The following NCEH1 variants were observed in gnomAD, a reference collection of about 807,000 sequenced individuals.
The protein encoded by NCEH1 is neutral cholesterol ester hydrolase 1.
Under a neutral mutation model 25.4 loss-of-function variants are expected in NCEH1, and 9 were observed. That is an observed-to-expected ratio of 0.35 (90% confidence interval 0.21 to 0.62). NCEH1 has a LOEUF of 0.62. Ranked by LOEUF, NCEH1 falls within the 20% of genes least tolerant of loss-of-function variation. The probability of loss-of-function intolerance (pLI) is 0.72; values close to 1 mark genes in which losing one functional copy is unlikely to be tolerated. For missense variants in NCEH1, 412 were observed against 501.1 expected (o/e 0.82, Z 1.70); for synonymous variants, 200 against 199.8 (o/e 1.00, Z -0.01).
chr3:172,697,584 T>G (rs921855580), intron 1 of NCEH1, among the ~76,000 whole-genome samples: 3 of 152,198 alleles, frequency 2.0e-5, no homozygotes, highest in African/African-American at 7.2e-5. Flanking sequence ...GACTAAAATT[T>G]GTAAATACAT....
chr3:172,675,331 A>AAATAAATAAATAAATT (rs1368844628), intron 1 of NCEH1, among the ~76,000 whole-genome samples: 10 of 150,476 alleles, frequency 6.6e-5, no homozygotes, highest in African/African-American at 2.5e-4. Context: ...ATAAATAAAT[A>AAATAAATAAATAAATT]AATAAATAAA....
chr3:172,659,280 G>A (rs772674547), intron 1 of NCEH1, among the ~76,000 whole-genome samples: 3 of 141,272 alleles, frequency 2.1e-5, no homozygotes, highest in East Asian at 2.0e-4. Flanking sequence ...TTCTTTTATC[G>A]GGAGGCTGAG....
At chr3:172,689,798 A>T (rs2108527509) in intron 1 of NCEH1, among the ~76,000 whole-genome samples, 1 of 151,850 alleles carries the variant, frequency 6.6e-6, no homozygotes, top group East Asian at 1.9e-4. Flanking sequence ...AGAGTAAAAT[A>T]GACCATTTTA....
At chr3:172,685,100 T>C (rs1045753334) in intron 1 of NCEH1, among the ~76,000 whole-genome samples, 2 of 152,058 alleles carry the variant, frequency 1.3e-5, no homozygotes, top group South Asian at 2.1e-4. Flanking sequence ...GAAACCAGCC[T>C]GGGCATCATG....
chr3:172,646,557 T>A lies in NCEH1; in HGVS notation c.368-865A>T, dbSNP rs569538108. Among the ~76,000 whole-genome samples, 18 of 152,280 alleles carry A rather than the reference T, an allele frequency of 1.2e-4. No homozygotes were observed. In the East Asian group the frequency reaches 3.5e-3, roughly 29 times the overall value. ...TAATATGTAAGAATTTAATTCTTAG[T>A]TACTCTCAGTAAATTAAGATCTATA... On this transcript the variant is annotated intron_variant, in intron 2 of 4. Coordinates refer to ENST00000475381, the MANE Select transcript of NCEH1 (RefSeq NM_020792.6).
At chr3:172,702,193 TCTC>T (rs1713736193) in intron 1 of NCEH1, among the ~76,000 whole-genome samples, 1 of 151,478 alleles carries the variant, frequency 6.6e-6, no homozygotes, top group African/African-American at 2.5e-5. Flanking sequence ...TGCATTTCGG[TCTC>T]CTCCTTTGTC....
intron 1 of NCEH1, among the ~76,000 whole-genome samples, chr3:172,652,474 C>T (rs1717446466): frequency 6.6e-6 from 1 of 152,154 alleles, no homozygotes; most frequent in African/African-American, 2.4e-5. Flanking sequence ...ATGAGTGATA[C>T]CCACATGGCT....
intron 1 of NCEH1, among the ~76,000 whole-genome samples, chr3:172,661,961 C>CGA (rs1414251962): frequency 2.0e-5 from 3 of 152,164 alleles, no homozygotes; most frequent in Non-Finnish European, 4.4e-5. Context: ...CCCTGTATTT[C>CGA]TTTCTCATGC....
chr3:172,687,692 A>G (rs929623758), intron 1 of NCEH1, among the ~76,000 whole-genome samples: 2 of 152,204 alleles, frequency 1.3e-5, no homozygotes, highest in African/African-American at 4.8e-5. Flanking sequence ...TGACACAGAG[A>G]TGCTGGCCTA....
chr3:172,644,031 G>A (rs1716990080), intron 3 of NCEH1, among the ~76,000 whole-genome samples: 1 of 152,230 alleles, frequency 6.6e-6, no homozygotes, highest in Non-Finnish European at 1.5e-5. Flanking sequence ...AGGTCCAGGT[G>A]CGGTGGCTGC....
chr3:172,700,543 T>C (rs1026194768), intron 1 of NCEH1, among the ~76,000 whole-genome samples: 1 of 152,178 alleles, frequency 6.6e-6, no homozygotes, highest in South Asian at 2.1e-4. Context: ...AGAGACAGGG[T>C]CTTGCTCTGT....
At chr3:172,657,080 C>T (rs1717732065) in intron 1 of NCEH1, among the ~76,000 whole-genome samples, 1 of 152,104 alleles carries the variant, frequency 6.6e-6, no homozygotes, top group Non-Finnish European at 1.5e-5. Context: ...TGACCACTGG[C>T]CCTTTAAATG....
At chr3:172,648,637 A>C (rs1717247586) in intron 1 of NCEH1, among the ~76,000 whole-genome samples, 1 of 152,106 alleles carries the variant, frequency 6.6e-6, no homozygotes, top group Non-Finnish European at 1.5e-5. Flanking sequence ...ATTTAATTGT[A>C]TCTTTAAATG....
chr3:172,651,071 A>G (rs1243439085), intron 1 of NCEH1, among the ~76,000 whole-genome samples: 1 of 152,228 alleles, frequency 6.6e-6, no homozygotes, highest in Non-Finnish European at 1.5e-5. Flanking sequence ...AATAGCTATC[A>G]CTGCCTGAGT....
At chr3:172,668,174 A>G (rs1370723064) in intron 1 of NCEH1, among the ~76,000 whole-genome samples, 4 of 152,178 alleles carry the variant, frequency 2.6e-5, no homozygotes. Flanking sequence ...TGTAAGCAGC[A>G]GATAATTTCA....
intron 1 of NCEH1, 39 bp from the exon 2 acceptor site, chr3:172,648,153 G>T: frequency 6.2e-7 from 1 of 1,610,820 alleles, no homozygotes; most frequent in Non-Finnish European, 8.5e-7. Context: ...GAGGGCGCAC[G>T]TCAACTTGGC....
intron 1 of NCEH1, among the ~76,000 whole-genome samples, chr3:172,679,489 C>T (rs1424481023): frequency 6.6e-6 from 1 of 152,116 alleles, no homozygotes; most frequent in East Asian, 1.9e-4. Flanking sequence ...ATATTCCATT[C>T]TGTATGTACC....
chr3:172,660,976 A>G lies in NCEH1; in HGVS notation c.139-12862T>C, dbSNP rs141936129. ...TGCTGTGCAGAAGCTCTTTAGTTTA[A>G]TTAGATCCCATTTGTCTATTTTGGC... On this transcript the variant is annotated intron_variant, in intron 1 of 4. Transcript: ENST00000475381. Among the ~76,000 whole-genome samples, 548 of 152,218 alleles carry G rather than the reference A, an allele frequency of 3.6e-3. 3 individuals carry two copies. Among genetic ancestry groups the G allele is most frequent in the African/African-American group, 0.013 (535 of 41,522 alleles).
chr3:172,708,744 G>A (rs1467921346), intron 1 of NCEH1, among the ~76,000 whole-genome samples: 1 of 152,142 alleles, frequency 6.6e-6, no homozygotes, highest in Non-Finnish European at 1.5e-5. Flanking sequence ...TTCAAAAAAG[G>A]TAAGCATTCT....
Sources: gnomAD v4.1 joint callset for allele counts (sites outside exome capture counted in the v4.1 genomes callset) on GRCh38, gnomAD v4.1.1 for gene constraint, MANE v1.5 for transcripts, NCBI Gene and HGNC (gene_info 2026-07-23, HGNC 2026-07-21) for gene names.